The following MTMR7 variants were observed in gnomAD, a reference collection of about 807,000 sequenced individuals.
MTMR7 encodes the protein myotubularin related protein 7.
A neutral mutation model predicts 81.2 loss-of-function variants in MTMR7; 76 were observed. That is an observed-to-expected ratio of 0.94 (90% confidence interval 0.78 to 1.13). MTMR7 has a LOEUF of 1.13. MTMR7 is among the 50% of genes most tolerant of loss of function. The pLI, the probability that MTMR7 is intolerant of heterozygous loss-of-function variation, is 0.00. For synonymous variants in MTMR7, 372 were observed against 289.8 expected (o/e 1.28, Z -2.88); for missense variants, 1,044 against 820.0 (o/e 1.27, Z -3.34).
intron 4 of MTMR7, among the ~76,000 whole-genome samples, chr8:17,350,172 G>C (rs1340873720): frequency 6.6e-6 from 1 of 152,172 alleles, no homozygotes; most frequent in Non-Finnish European, 1.5e-5. Flanking sequence ...GATATGTCAG[G>C]CACCTCTTTA....
At chr8:17,397,636 C>G (rs988092558) in intron 1 of MTMR7, among the ~76,000 whole-genome samples, 3 of 152,194 alleles carry the variant, frequency 2.0e-5, no homozygotes, top group African/African-American at 7.2e-5. Context: ...TGCCCAGGGC[C>G]TGGGGGAACT....
chr8:17,359,893 G>C (rs1820009000), intron 4 of MTMR7, among the ~76,000 whole-genome samples: 1 of 152,020 alleles, frequency 6.6e-6, no homozygotes. Flanking sequence ...AATTATTTTT[G>C]ACAACATGTA....
At chr8:17,406,820 T>C (rs1821597633) in intron 1 of MTMR7, among the ~76,000 whole-genome samples, 1 of 152,094 alleles carries the variant, frequency 6.6e-6, no homozygotes, top group Admixed American at 6.6e-5. Context: ...TGCTACAACT[T>C]AGACAAACCT....
In MTMR7 at chr8:17,306,845, C is replaced by CCATA. The variant is rs1270036200; in HGVS notation, c.1152-889_1152-888insTATG. 2.8e-3 allele frequency among the ~76,000 whole-genome samples: 433 copies of CCATA among 152,298 alleles called. 3 individuals carry two copies. Among genetic ancestry groups the CCATA allele is most frequent in the African/African-American group, 0.01 (419 of 41,572 alleles). ...ACCTAGGCTAGCCATATGTAGAAAG[C>CCATA]TGAAACTGGATCCCTTCTTTGCACC... On this transcript the variant is annotated intron_variant, in intron 10 of 13. Transcript: ENST00000180173.
At position 17,299,157 on chromosome 8, in the gene MTMR7, A is replaced by C. The variant is rs548756425; in HGVS notation, c.*705T>G. On this transcript the variant is annotated 3_prime_UTR_variant, in exon 14 of 14. Coordinates refer to ENST00000180173, the MANE Select transcript of MTMR7 (RefSeq NM_004686.5). ...GACCAGGAGAATGAATGTTGCTTCTACCTCGTTAGCTATTAAATCAGTGTT... is the reference window on the plus strand; with the variant it reads ...GACCAGGAGAATGAATGTTGCTTCTCCCTCGTTAGCTATTAAATCAGTGTT... 2 of 152,314 alleles carry C rather than the reference A, an allele frequency of 1.3e-5. No homozygotes were observed. The highest frequency in any genetic ancestry group is 4.8e-5 in the African/African-American group (2 of 41,576). 9.4% of individuals were successfully genotyped at this position (152,314 alleles called of 1,614,324 possible).
chr8:17,386,800 G>T (rs984132603), intron 1 of MTMR7, among the ~76,000 whole-genome samples: 3 of 152,232 alleles, frequency 2.0e-5, no homozygotes, highest in Non-Finnish European at 4.4e-5. Context: ...GAAATGACAT[G>T]ATTTGGGTAG....
chr8:17,392,052 A>C (rs1160027937), intron 1 of MTMR7, among the ~76,000 whole-genome samples: 1 of 152,182 alleles, frequency 6.6e-6, no homozygotes. Flanking sequence ...GTGCAGTATG[A>C]GAATATAAAA....
At chr8:17,325,587 C>T (rs995915973) in intron 7 of MTMR7, among the ~76,000 whole-genome samples, 2 of 152,204 alleles carry the variant, frequency 1.3e-5, no homozygotes, top group South Asian at 2.1e-4. Flanking sequence ...CCTGAGCTGA[C>T]GCGGGGCCTG....
At chr8:17,356,896 T>G (rs548939618) in intron 4 of MTMR7, among the ~76,000 whole-genome samples, 18 of 152,250 alleles carry the variant, frequency 1.2e-4, no homozygotes, top group Non-Finnish European at 2.4e-4. Context: ...AGCAGGCCAA[T>G]ATGTCCACGC....
chr8:17,380,633 A>C (rs1820729335), intron 1 of MTMR7, among the ~76,000 whole-genome samples: 1 of 151,884 alleles, frequency 6.6e-6, no homozygotes, highest in Non-Finnish European at 1.5e-5. Context: ...ACAGGCAAAA[A>C]CATCCTCAAA....
intron 1 of MTMR7, among the ~76,000 whole-genome samples, chr8:17,381,293 T>C (rs1171551776): frequency 6.6e-6 from 1 of 152,116 alleles, no homozygotes; most frequent in Admixed American, 6.5e-5. Flanking sequence ...CACTTCCAGG[T>C]CTGAGGAGGC....
chr8:17,388,874 G>A (rs150961093), intron 1 of MTMR7, among the ~76,000 whole-genome samples: 167 of 152,220 alleles, frequency 1.1e-3, no homozygotes, highest in African/African-American at 3.4e-3. Flanking sequence ...CTCACTCCTC[G>A]GCTTCGAAGA....
chr8:17,413,159 A>C, intron 1 of MTMR7, 110 bp downstream of exon 1: 1 of 1,301,522 alleles, frequency 7.7e-7, no homozygotes, highest in South Asian at 1.3e-5. Context: ...CCCGCGGTCC[A>C]GGCTCCGCCG....
At chr8:17,363,569 G>A (rs781040254) in intron 3 of MTMR7, among the ~76,000 whole-genome samples, 12 of 152,120 alleles carry the variant, frequency 7.9e-5, no homozygotes, top group Non-Finnish European at 1.8e-4. Context: ...GGAGACCTTA[G>A]GATGGGTTGA....
intron 1 of MTMR7, among the ~76,000 whole-genome samples, chr8:17,400,486 G>C (rs920121298): frequency 6.6e-6 from 1 of 152,094 alleles, no homozygotes; most frequent in African/African-American, 2.4e-5. Context: ...GGATCCCAGC[G>C]GCCTTACAAT....
At chr8:17,314,928 C>A (rs753316664) in intron 7 of MTMR7, among the ~76,000 whole-genome samples, 1 of 152,108 alleles carries the variant, frequency 6.6e-6, no homozygotes, top group African/African-American at 2.4e-5. Context: ...CACTATGTGT[C>A]TGATAAAGTA....
At chr8:17,348,327 C>T (rs372534568) in intron 5 of MTMR7, among the ~76,000 whole-genome samples, 56 of 151,724 alleles carry the variant, frequency 3.7e-4, no homozygotes, top group African/African-American at 1.2e-3. Flanking sequence ...CACCTGTGGT[C>T]GGGAGTTCAA....
At chr8:17,323,779 G>A (rs965429490) in intron 7 of MTMR7, among the ~76,000 whole-genome samples, 2 of 152,260 alleles carry the variant, frequency 1.3e-5, no homozygotes, top group Middle Eastern at 3.4e-3. Flanking sequence ...AGAGCCTTAT[G>A]GAGAAAGCTC....
intron 6 of MTMR7, among the ~76,000 whole-genome samples, chr8:17,335,188 C>T (rs999236633): frequency 6.6e-6 from 1 of 152,126 alleles, no homozygotes; most frequent in Non-Finnish European, 1.5e-5. Flanking sequence ...AAAACCTCAG[C>T]GCTGACAGAG....
Sources: gnomAD v4.1 joint callset for allele counts (sites outside exome capture counted in the v4.1 genomes callset) on GRCh38, gnomAD v4.1.1 for gene constraint, MANE v1.5 for transcripts, NCBI Gene and HGNC (gene_info 2026-07-23, HGNC 2026-07-21) for gene names.